The following GPBP1 variants were observed in gnomAD, a reference collection of about 807,000 sequenced individuals.
GPBP1 encodes vasculin.
In GPBP1, 13 loss-of-function variants were observed where a neutral mutation model predicts 56.5. The ratio of observed to expected loss-of-function variants is 0.23; its 90% CI spans 0.15 to 0.37. The LOEUF is 0.37. GPBP1 is among the 10% of genes least tolerant of loss of function. The pLI is 1.00. For synonymous variants in GPBP1, 204 were observed against 188.9 expected (o/e 1.08, Z -0.66); for missense variants, 477 against 572.3 (o/e 0.83, Z 1.70).
At chr5:57,177,187 A>G (rs1408839289) in intron 2 of GPBP1, among the ~76,000 whole-genome samples, 2 of 152,146 alleles carry the variant, frequency 1.3e-5, no homozygotes, top group Non-Finnish European at 2.9e-5. Context: ...TTTTAAAAAA[A>G]GTTGTGAATT....
chr5:57,243,308 A>G (rs1740921499), intron 6 of GPBP1, among the ~76,000 whole-genome samples: 1 of 152,010 alleles, frequency 6.6e-6, no homozygotes, highest in African/African-American at 2.4e-5. Flanking sequence ...CTCGTGATCC[A>G]CCTGCCTCGG....
At chr5:57,257,201 A>AT (rs1488851953) in intron 10 of GPBP1, among the ~76,000 whole-genome samples, 1 of 151,796 alleles carries the variant, frequency 6.6e-6, no homozygotes. Context: ...CACCTGGCTA[A>AT]TTTTTTGTAT....
intron 2 of GPBP1, among the ~76,000 whole-genome samples, chr5:57,196,058 C>T (rs1489183842): frequency 7.1e-6 from 1 of 141,084 alleles, no homozygotes; most frequent in Non-Finnish European, 1.5e-5. Context: ...AATATGATAT[C>T]TGCACATAGG....
chr5:57,251,103 A>G lies in GPBP1; in HGVS notation c.1122A>G (p.Gln374=). 1 of 1,611,574 alleles carries G rather than the reference A, an allele frequency of 6.2e-7. No homozygotes were observed. ...QQIIRSSTFP[Q]TDVLSSSLEA... Reference sequence around the variant, plus strand: ...TCATTCGGTCTTCAACCTTCCCACAAACTGATGTTCTTTCAAGTTCACTTG... The same window carrying G: ...TCATTCGGTCTTCAACCTTCCCACAGACTGATGTTCTTTCAAGTTCACTTG... The change falls in exon 10 of 12, where the codon CAA becomes CAG. Residue 374 remains glutamine (Q), a synonymous_variant. Coordinates refer to ENST00000506184, the MANE Select transcript of GPBP1 (RefSeq NM_022913.4).
intron 7 of GPBP1, 57 bp downstream of exon 7, chr5:57,246,541 A>G (rs919113178): frequency 2.9e-6 from 4 of 1,369,550 alleles, no homozygotes; most frequent in Non-Finnish European, 4.0e-6. Flanking sequence ...TTTATGTCCT[A>G]TGGGGGGAAA....
intron 6 of GPBP1, among the ~76,000 whole-genome samples, chr5:57,242,259 A>G (rs1740870234): frequency 6.6e-6 from 1 of 152,220 alleles, no homozygotes; most frequent in South Asian, 2.1e-4. Context: ...TTTGAATTGT[A>G]ATTGGAATCC....
At chr5:57,191,321 G>A (rs958464009) in intron 2 of GPBP1, among the ~76,000 whole-genome samples, 2 of 151,768 alleles carry the variant, frequency 1.3e-5, no homozygotes, top group Admixed American at 6.6e-5. Context: ...CTTGAACTCC[G>A]GACCTTAAGT....
intron 2 of GPBP1, among the ~76,000 whole-genome samples, chr5:57,183,367 T>C (rs1402330438): frequency 6.6e-6 from 1 of 152,142 alleles, no homozygotes; most frequent in Non-Finnish European, 1.5e-5. Context: ...AAACTCTGTC[T>C]CTAAATAAAT....
chr5:57,190,144 A>C (rs1754454931), intron 2 of GPBP1, among the ~76,000 whole-genome samples: 1 of 150,482 alleles, frequency 6.6e-6, no homozygotes, highest in East Asian at 1.9e-4. Flanking sequence ...ATTAACATCT[A>C]TAAATAATTT....
intron 2 of GPBP1, among the ~76,000 whole-genome samples, chr5:57,211,124 A>G (rs954114835): frequency 2.0e-5 from 3 of 151,452 alleles, no homozygotes; most frequent in Non-Finnish European, 4.4e-5. Flanking sequence ...GCCTTTATAT[A>G]CTTGTGTAAC....
chr5:57,243,687 GCTTC>G (rs2111908869), intron 6 of GPBP1, among the ~76,000 whole-genome samples: 1 of 150,218 alleles, frequency 6.7e-6, no homozygotes, highest in South Asian at 2.1e-4. Context: ...CATGTCTTCT[GCTTC>G]CTTGTTTTTG....
chr5:57,236,579 T>C (rs2111879223), intron 6 of GPBP1, among the ~76,000 whole-genome samples: 1 of 152,188 alleles, frequency 6.6e-6, no homozygotes, highest in Middle Eastern at 3.4e-3. Context: ...TTAATGAGAG[T>C]TCTTCTAGAA....
intron 2 of GPBP1, among the ~76,000 whole-genome samples, chr5:57,200,588 C>T (rs564464611): frequency 7.3e-5 from 11 of 151,412 alleles, no homozygotes; most frequent in African/African-American, 2.4e-4. Context: ...AGGCTGGCCT[C>T]GACCTCCTGA....
chr5:57,197,167 C>A (rs936940514), intron 2 of GPBP1, among the ~76,000 whole-genome samples: 2 of 152,044 alleles, frequency 1.3e-5, no homozygotes, highest in African/African-American at 4.8e-5. Context: ...TCCTGCCTGG[C>A]CATCACATCT....
chr5:57,253,973 C>G (rs1441794812), intron 10 of GPBP1, among the ~76,000 whole-genome samples: 1 of 152,092 alleles, frequency 6.6e-6, no homozygotes, highest in Non-Finnish European at 1.5e-5. Flanking sequence ...GGTCTTATTC[C>G]ATTGTCCAGC....
chr5:57,182,897 A>G (rs1025569630), intron 2 of GPBP1, among the ~76,000 whole-genome samples: 1 of 152,042 alleles, frequency 6.6e-6, no homozygotes, highest in Non-Finnish European at 1.5e-5. Context: ...TTCCCAGGCT[A>G]GTCTCGAACT....
intron 6 of GPBP1, among the ~76,000 whole-genome samples, chr5:57,240,130 A>G (rs1469739461): frequency 3.3e-5 from 5 of 152,120 alleles, no homozygotes; most frequent in Non-Finnish European, 7.3e-5. Flanking sequence ...GTGTGTCTGT[A>G]GTCTTAGCTA....
At chr5:57,215,341 A>G (rs568606452) in intron 3 of GPBP1, among the ~76,000 whole-genome samples, 9 of 152,332 alleles carry the variant, frequency 5.9e-5, no homozygotes, top group Middle Eastern at 3.4e-3. Context: ...GTGCACAGTC[A>G]CTTTGGGATG....
chr5:57,232,567 T>A (rs1007903938), intron 5 of GPBP1, among the ~76,000 whole-genome samples: 3 of 152,204 alleles, frequency 2.0e-5, no homozygotes, highest in Non-Finnish European at 4.4e-5. Flanking sequence ...CTCCTTCCTT[T>A]GTTCTCTGCC....
Sources: gnomAD v4.1 joint callset for allele counts (sites outside exome capture counted in the v4.1 genomes callset) on GRCh38, gnomAD v4.1.1 for gene constraint, MANE v1.5 for transcripts, NCBI Gene and HGNC (gene_info 2026-07-23, HGNC 2026-07-21) for gene names.